NFATC3: variants seen among roughly 807,000 people sequenced by gnomAD.
NFATC3 encodes nuclear factor of activated T cells 3, also known as nuclear factor of activated T-cells, cytoplasmic 3.
Under a neutral mutation model 98.6 loss-of-function variants are expected in NFATC3, and 46 were observed. The observed-to-expected ratio is 0.47, with a 90% CI of 0.37 to 0.60. The LOEUF is 0.60. Ranked by LOEUF, NFATC3 falls within the 20% of genes least tolerant of loss-of-function variation. NFATC3 has a pLI of 0.00. For missense variants in NFATC3, 1,256 were observed against 1,295.5 expected, an observed-to-expected ratio of 0.97 and a Z score of 0.47; for synonymous variants, 512 against 472.2, an observed-to-expected ratio of 1.08 and a Z score of -1.09.
At chr16:68,192,230 A>AAAAATATATAT (rs1555522047) in intron 9 of NFATC3, 24 of 82,582 alleles carry the variant, frequency 2.9e-4, no homozygotes, top group African/African-American at 1.3e-3. Context: ...AAAAAAAAAA[A>AAAAATATATAT]ATATATATAT....
chr16:68,171,478 T>C (rs1298208245), intron 5 of NFATC3, among the ~76,000 whole-genome samples: 1 of 151,834 alleles, frequency 6.6e-6, no homozygotes, highest in African/African-American at 2.4e-5. Context: ...CCTATCTTTT[T>C]TTTTTTTTTT....
intron 3 of NFATC3, chr16:68,138,579 G>T (rs1223358312): frequency 9.3e-6 from 12 of 1,289,066 alleles, no homozygotes; most frequent in Non-Finnish European, 1.2e-5. Flanking sequence ...TGGGAAAGAA[G>T]AAGGTGTATG....
chr16:68,158,881 C>G (rs909979459), intron 4 of NFATC3, among the ~76,000 whole-genome samples: 48 of 152,294 alleles, frequency 3.2e-4, no homozygotes, highest in Non-Finnish European at 6.6e-4. Flanking sequence ...TCTCATTGAT[C>G]ATGCTTATAT....
chr16:68,192,577 G>A (rs141438280), intron 9 of NFATC3, among the ~76,000 whole-genome samples: 22 of 151,844 alleles, frequency 1.4e-4, no homozygotes, highest in South Asian at 4.1e-4. Flanking sequence ...TAGAATTCTC[G>A]GCCAGGCTCA....
chr16:68,122,538 T>C lies in NFATC3; in HGVS notation c.655T>C (p.Cys219Arg), dbSNP rs773953985. 32 of 1,614,136 alleles carry C rather than the reference T, an allele frequency of 2.0e-5. No individual in the cohort carries two copies. In the South Asian group the frequency reaches 3.5e-4, roughly 18 times the overall value. Residue 219 changes from cysteine (C) to arginine (R), a missense_variant, in exon 2 of 10, where the codon TGC becomes CGC. By Grantham distance (180) the Cys-to-Arg change is radical. Transcript: ENST00000346183. ...TTCTCCTGGTGGCTCTCCAGGGGGC[T>C]GCCCTGGAGAAGAAACTTGGCATCA... is the stretch of plus-strand genomic sequence containing the variant. ...LTSPGGSPGG[C>R]PGEETWHQQY...
rs537134430 is a variant in NFATC3, at chr16:68,164,154, C to G, written c.1602-2689C>G. ...CCAGACTCCGTCTGCAATCCCAGCA[C>G]CTCGGGAGGCCGAGGCTGGCGGATC... On this transcript the variant is annotated intron_variant, in intron 4 of 9. Coordinates refer to ENST00000346183, the MANE Select transcript of NFATC3 (RefSeq NM_173165.3). Among the ~76,000 whole-genome samples, 785 of 152,380 alleles carry G rather than the reference C, an allele frequency of 5.2e-3. 4 individuals carry two copies. Among genetic ancestry groups the G allele is most frequent in the African/African-American group, 0.018 (767 of 41,584 alleles).
intron 1 of NFATC3, among the ~76,000 whole-genome samples, chr16:68,121,063 A>T (rs1445531517): frequency 2.0e-5 from 3 of 151,392 alleles, no homozygotes; most frequent in Non-Finnish European, 2.9e-5. Flanking sequence ...CCATATCAAG[A>T]TATCTCATTG....
In NFATC3 at chr16:68,122,258, T is replaced by G. The variant is rs369216681; in HGVS notation, c.375T>G (p.Asp125Glu). The G allele has an allele frequency of 1.9e-6, 3 of 1,614,180 alleles. No homozygotes were observed. The South Asian group carries it at 3.3e-5, about 18-fold the overall frequency. The change falls in exon 2 of 10, where the codon GAT (aspartate) becomes GAG (glutamate). Residue 125 changes from aspartate (D) to glutamate (E), a missense_variant. Coordinates refer to ENST00000346183, the MANE Select transcript of NFATC3 (RefSeq NM_173165.3). ...CTCCTAACTGTCATCAAGAATTAGA[T>G]GCACATGAAGATGACCTACAGATAA... ...SISPNCHQELDAHEDDLQIND... is the reference protein window; with the variant it reads ...SISPNCHQELEAHEDDLQIND...
At chr16:68,127,687 CAAA>C (rs201633690) in intron 3 of NFATC3, among the ~76,000 whole-genome samples, 7 of 85,670 alleles carry the variant, frequency 8.2e-5, no homozygotes, top group Non-Finnish European at 7.5e-5. Context: ...GACCCTGTCT[CAAA>C]AAAAAAAAAA....
At chr16:68,217,692 T>G in intron 9 of NFATC3, 2 of 1,231,594 alleles carry the variant, frequency 1.6e-6, no homozygotes, top group Non-Finnish European at 2.0e-6. Context: ...TTCAATTTGT[T>G]GTTCCTCTTT....
At chr16:68,212,637 C>T (rs1186139126) in intron 9 of NFATC3, 1 of 151,962 alleles carries the variant, frequency 6.6e-6, no homozygotes, top group African/African-American at 2.4e-5. Flanking sequence ...TTGACAGCTT[C>T]CTACAATAAA....
chr16:68,159,319 C>G (rs976013318), intron 4 of NFATC3, among the ~76,000 whole-genome samples: 7 of 151,328 alleles, frequency 4.6e-5, no homozygotes, highest in African/African-American at 1.7e-4. Context: ...AGGCACCTAT[C>G]AGTGGGTAGT....
chr16:68,122,261 A>T lies in NFATC3; in HGVS notation c.378A>T (p.Ala126=). ...CTAACTGTCATCAAGAATTAGATGC[A>T]CATGAAGATGACCTACAGATAAATG... ...ISPNCHQELD[A]HEDDLQINDP... The change falls in exon 2 of 10, where the codon GCA becomes GCT. Residue 126 remains alanine (A), a synonymous_variant. Coordinates refer to ENST00000346183, the MANE Select transcript of NFATC3 (RefSeq NM_173165.3). 6.2e-7 allele frequency: 1 copy of T among 1,614,180 alleles called. No individual in the cohort carries two copies. Among genetic ancestry groups the T allele is most frequent in the Non-Finnish European group, 8.5e-7 (1 of 1,180,024 alleles).
At position 68,132,795 on chromosome 16, in the gene NFATC3, T is replaced by C. The variant is rs146177361; in HGVS notation, c.1401+6185T>C. ...AAGATAAATACTGCATGTTTTCACT[T>C]ATATGAAGGGGCTAAAAAATTTGAG... On this transcript the variant is annotated intron_variant, in intron 3 of 9. Coordinates refer to ENST00000346183, the MANE Select transcript of NFATC3 (RefSeq NM_173165.3). 2.6e-3 allele frequency among the ~76,000 whole-genome samples: 403 copies of C among 152,310 alleles called. 1 individual carries two copies. The highest frequency in any genetic ancestry group is 9.3e-3 in the African/African-American group (387 of 41,570).
intron 8 of NFATC3, among the ~76,000 whole-genome samples, chr16:68,186,543 A>G (rs1476464148): frequency 6.6e-6 from 1 of 152,192 alleles, no homozygotes; most frequent in African/African-American, 2.4e-5. Context: ...CCATCTCAAA[A>G]CAAAAACAAA....
At chr16:68,210,673 A>T (rs1180147631) in intron 9 of NFATC3, among the ~76,000 whole-genome samples, 1 of 152,182 alleles carries the variant, frequency 6.6e-6, no homozygotes, top group Non-Finnish European at 1.5e-5. Context: ...CATTCTGGGA[A>T]TAAAACTCAC....
At chr16:68,157,795 C>A (rs902884956) in intron 3 of NFATC3, 74 bp from the exon 4 acceptor site, 1 of 1,184,310 alleles carries the variant, frequency 8.4e-7, no homozygotes, top group Non-Finnish European at 1.2e-6. Flanking sequence ...ATATAATAGA[C>A]TTACTATTGT....
intron 1 of NFATC3, among the ~76,000 whole-genome samples, chr16:68,104,884 G>C (rs2035570917): frequency 6.6e-6 from 1 of 151,884 alleles, no homozygotes; most frequent in Non-Finnish European, 1.5e-5. Context: ...TTGATCTCCT[G>C]ACCTCATGAT....
chr16:68,173,211 G>A (rs2039544875), intron 5 of NFATC3, among the ~76,000 whole-genome samples: 1 of 151,854 alleles, frequency 6.6e-6, no homozygotes, highest in South Asian at 2.1e-4. Context: ...GCAGTGAGCT[G>A]ATCATGCCAC....
Sources: allele counts gnomAD v4.1 joint callset (sites outside exome capture counted in the v4.1 genomes callset), GRCh38; gene constraint gnomAD v4.1.1; transcripts MANE v1.5; gene names NCBI Gene and HGNC (gene_info 2026-07-23, HGNC 2026-07-21).